TTC1: variants seen among roughly 807,000 people sequenced by gnomAD.
TTC1 encodes tetratricopeptide repeat domain 1, also known as tetratricopeptide repeat protein 1.
In TTC1, 31 loss-of-function variants were observed where a neutral mutation model predicts 37.6. That is an observed-to-expected ratio of 0.82 (90% CI 0.62 to 1.11). TTC1 has a LOEUF of 1.11. TTC1 is among the 50% of genes most tolerant of loss of function. The pLI, the probability that TTC1 is intolerant of heterozygous loss-of-function variation, is 0.00. For missense variants in TTC1, 351 were observed against 339.0 expected (o/e 1.04, Z -0.28); for synonymous variants, 127 against 122.4 (o/e 1.04, Z -0.25).
intron 2 of TTC1, among the ~76,000 whole-genome samples, chr5:160,027,068 G>T (rs1169475337): frequency 2.1e-5 from 3 of 144,580 alleles, no homozygotes; most frequent in Admixed American, 7.0e-5. Context: ...TCACTTTGTT[G>T]CCCAGGCTGG....
At chr5:160,058,410 T>C (rs1172155474) in intron 7 of TTC1, among the ~76,000 whole-genome samples, 2 of 106,220 alleles carry the variant, frequency 1.9e-5, no homozygotes, top group South Asian at 2.7e-4. Flanking sequence ...AGTGTATTTC[T>C]TTTTTTTTTT....
chr5:160,043,281 C>A, intron 5 of TTC1, 112 bp downstream of exon 5: 2 of 981,122 alleles, frequency 2.0e-6, no homozygotes, highest in Non-Finnish European at 3.0e-6. Flanking sequence ...TGGGGCCTTG[C>A]AAGAGGCAAC....
chr5:160,037,332 T>C (rs1757013826), intron 4 of TTC1, among the ~76,000 whole-genome samples: 1 of 152,194 alleles, frequency 6.6e-6, no homozygotes, highest in Non-Finnish European at 1.5e-5. Flanking sequence ...ACATTTTGTA[T>C]TTCCAAAGGA....
intron 2 of TTC1, among the ~76,000 whole-genome samples, chr5:160,031,481 G>A (rs1218465665): frequency 6.6e-6 from 1 of 151,950 alleles, no homozygotes; most frequent in Non-Finnish European, 1.5e-5. Flanking sequence ...AGGTGTGGTG[G>A]TGCATGCCTG....
intron 5 of TTC1, among the ~76,000 whole-genome samples, chr5:160,047,835 T>A (rs1426175753): frequency 6.6e-6 from 1 of 152,204 alleles, no homozygotes; most frequent in Non-Finnish European, 1.5e-5. Context: ...CTGAGACCAC[T>A]TTCTGAAGTT....
intron 7 of TTC1, among the ~76,000 whole-genome samples, chr5:160,058,389 T>C (rs543131951): frequency 9.4e-4 from 143 of 151,744 alleles, no homozygotes; most frequent in African/African-American, 3.3e-3. Flanking sequence ...TCAGCAGCCA[T>C]AGCCATATGA....
intron 1 of TTC1, 110 bp downstream of exon 1, chr5:160,009,303 T>G (rs1756450625): frequency 6.6e-6 from 1 of 152,224 alleles, no homozygotes; most frequent in South Asian, 2.1e-4. Context: ...CTCAAACTCC[T>G]GTGTTCTTCC....
chr5:160,062,202 C>T (rs1157146728), intron 7 of TTC1: 4 of 152,184 alleles, frequency 2.6e-5, no homozygotes, highest in East Asian at 1.9e-4. Context: ...TTAGGCAAAA[C>T]GAGGGCCTGG....
chr5:160,055,378 A>G (rs1757516310), intron 7 of TTC1, among the ~76,000 whole-genome samples: 1 of 152,246 alleles, frequency 6.6e-6, no homozygotes. Context: ...CACATTGTCT[A>G]ACGGGGAAGC....
intron 2 of TTC1, among the ~76,000 whole-genome samples, chr5:160,013,005 A>C (rs1400100746): frequency 6.6e-6 from 1 of 152,196 alleles, no homozygotes; most frequent in Non-Finnish European, 1.5e-5. Flanking sequence ...ATAATCATAC[A>C]GTAGTATTCA....
intron 7 of TTC1, among the ~76,000 whole-genome samples, chr5:160,054,072 T>G (rs1256235051): frequency 6.6e-6 from 1 of 151,916 alleles, no homozygotes; most frequent in Non-Finnish European, 1.5e-5. Flanking sequence ...GGGGGTTGGT[T>G]GTTTTTGTTT....
At chr5:160,035,682 T>A (rs1255965157) in intron 3 of TTC1, among the ~76,000 whole-genome samples, 1 of 152,238 alleles carries the variant, frequency 6.6e-6, no homozygotes, top group African/African-American at 2.4e-5. Flanking sequence ...TGCTCTTTCA[T>A]GTGCCATTTT....
chr5:160,060,451 G>A (rs941396981), intron 7 of TTC1, among the ~76,000 whole-genome samples: 1 of 152,122 alleles, frequency 6.6e-6, no homozygotes, highest in Non-Finnish European at 1.5e-5. Context: ...CTTTGCCATG[G>A]GATCTAGTCT....
intron 5 of TTC1, among the ~76,000 whole-genome samples, chr5:160,048,866 G>A (rs533967359): frequency 2.0e-5 from 3 of 152,048 alleles, no homozygotes; most frequent in Non-Finnish European, 4.4e-5. Flanking sequence ...TAGGAGAATC[G>A]CTTGAACCTG....
Position 160,049,657 on chromosome 5 carries a change from T to C in TTC1, c.685T>C (p.Cys229Arg). 1 of 1,575,734 alleles carries C rather than the reference T, an allele frequency of 6.3e-7. No homozygotes were observed. Among genetic ancestry groups the C allele is most frequent in the Non-Finnish European group, 8.6e-7 (1 of 1,168,414 alleles). Residue 229 changes from cysteine (C) to arginine (R), a missense_variant, in exon 6 of 8, where the codon TGT becomes CGT. Cys to Arg is a radical substitution (Grantham distance 180). Coordinates refer to ENST00000231238, the MANE Select transcript of TTC1 (RefSeq NM_003314.3). ...ATCAATACATCAAGCAAGAGAAGCT[T>C]GTATGGTAAAACCTAAAATTTTAAA... ...DPSIHQAREA[C>R]MRLPKQIEER...
intron 2 of TTC1, among the ~76,000 whole-genome samples, chr5:160,012,489 C>T (rs1037700817): frequency 6.6e-6 from 1 of 151,994 alleles, no homozygotes; most frequent in Non-Finnish European, 1.5e-5. Context: ...CCTCAGCCTC[C>T]TGAGCACCTG....
At chr5:160,061,868 G>C (rs1032759311) in intron 7 of TTC1, 3 of 152,364 alleles carry the variant, frequency 2.0e-5, no homozygotes, top group Non-Finnish European at 4.4e-5. Context: ...GCTGGAGGCT[G>C]TTGGCAGAGT....
In TTC1 at chr5:160,053,407, TA is replaced by T. The variant is rs371433496; in HGVS notation, c.745+2231del. On this transcript the variant is annotated intron_variant, in intron 7 of 7. Coordinates refer to ENST00000231238, the MANE Select transcript of TTC1 (RefSeq NM_003314.3). ...GGGCAACATGGCAAAATCCTGTCAC[TA>T]AAAAAATTAGCCAGGTGTGCTGGTG... 4.6e-3 allele frequency among the ~76,000 whole-genome samples: 698 copies of T among 152,010 alleles called. 8 individuals carry two copies. The highest frequency in any genetic ancestry group is 0.016 in the African/African-American group (662 of 41,416).
Position 160,010,573 on chromosome 5 carries a change from A to C in TTC1, c.45A>C (p.Leu15Phe). The part of the protein sequence containing the change: ...SENCGVPEDL[L>F]NGLKVTDTQE... ...ACTGTGGGGTTCCAGAGGATCTGTT[A>C]AATGGTTTGAAGGTTACAGATACTC... The change falls in exon 2 of 8, where the codon TTA becomes TTC. Residue 15 changes from leucine to phenylalanine, a missense_variant. By Grantham distance (22) the Leu-to-Phe change is conservative (BLOSUM62 0). Coordinates refer to ENST00000231238, the MANE Select transcript of TTC1 (RefSeq NM_003314.3). 1.9e-6 allele frequency: 3 copies of C among 1,614,112 alleles called. No homozygotes were observed. Among genetic ancestry groups the C allele is most frequent in the Non-Finnish European group, 2.5e-6 (3 of 1,180,018 alleles).
Sources: allele counts gnomAD v4.1 joint callset (sites outside exome capture counted in the v4.1 genomes callset), GRCh38; gene constraint gnomAD v4.1.1; transcripts MANE v1.5; gene names NCBI Gene and HGNC (gene_info 2026-07-23, HGNC 2026-07-21).